Variants in TDRP observed in about 807,000 individuals in gnomAD.
TDRP encodes the protein testis development-related protein.
Under a neutral mutation model 10.5 loss-of-function variants are expected in TDRP, and 12 were observed. That is an observed-to-expected ratio of 1.15 (90% confidence interval 0.73 to 1.86). The LOEUF (loss-of-function observed/expected upper bound fraction) is 1.86, where lower values mean the gene tolerates loss of function less well. Ranked by LOEUF, TDRP falls within the 40% of genes most tolerant of loss-of-function variation. The probability of loss-of-function intolerance (pLI) is 0.00; values close to 1 mark genes in which losing one functional copy is unlikely to be tolerated. For synonymous variants in TDRP, 139 were observed against 95.4 expected (o/e 1.46, Z -2.67); for missense variants, 353 against 229.2 (o/e 1.54, Z -3.49).
intron 1 of TDRP, among the ~76,000 whole-genome samples, chr8:526,753 T>C (rs1015663131): frequency 2.0e-5 from 3 of 152,170 alleles, no homozygotes; most frequent in Admixed American, 1.3e-4. Flanking sequence ...CTATTTTTCA[T>C]ACTGAAGGGA....
chr8:514,341 A>G (rs1343855287), intron 1 of TDRP, among the ~76,000 whole-genome samples: 1 of 152,208 alleles, frequency 6.6e-6, no homozygotes. Context: ...GAGTGCCAAG[A>G]CAATTCAATG....
intron 1 of TDRP, among the ~76,000 whole-genome samples, chr8:541,735 G>A (rs2084414): frequency 0.75 from 114,024 of 152,050 alleles, 42,990 homozygotes; most frequent in Admixed American, 0.8. Context: ...GATGGACAAA[G>A]TCTACATACT....
chr8:519,476 T>C (rs1801841103), intron 1 of TDRP, among the ~76,000 whole-genome samples: 2 of 152,132 alleles, frequency 1.3e-5, no homozygotes, highest in South Asian at 4.1e-4. Flanking sequence ...CCTTCAAGTA[T>C]AGAGTTCAAT....
At chr8:519,010 A>G (rs1338479344) in intron 1 of TDRP, among the ~76,000 whole-genome samples, 2 of 152,138 alleles carry the variant, frequency 1.3e-5, no homozygotes, top group African/African-American at 4.8e-5. Flanking sequence ...AGAAATGCCA[A>G]CACCTTGATT....
At chr8:507,451 T>C (rs1801496598) in intron 1 of TDRP, among the ~76,000 whole-genome samples, 1 of 152,140 alleles carries the variant, frequency 6.6e-6, no homozygotes, top group Non-Finnish European at 1.5e-5. Flanking sequence ...TTTGACTGGA[T>C]TCATTTGTAG....
chr8:518,383 A>G (rs1486827792), intron 1 of TDRP, among the ~76,000 whole-genome samples: 1 of 152,228 alleles, frequency 6.6e-6, no homozygotes, highest in Non-Finnish European at 1.5e-5. Context: ...TAAGTCTAAT[A>G]AAAGGTAACC....
intron 1 of TDRP, among the ~76,000 whole-genome samples, chr8:529,594 T>A (rs536339406): frequency 3.9e-4 from 59 of 152,190 alleles, no homozygotes; most frequent in African/African-American, 1.4e-3. Context: ...TCTGGGAAGG[T>A]CTTTATTTGT....
intron 1 of TDRP, among the ~76,000 whole-genome samples, chr8:522,610 G>A (rs976731043): frequency 3.9e-5 from 6 of 152,118 alleles, no homozygotes; most frequent in Non-Finnish European, 7.4e-5. Context: ...GCTTTGCCCC[G>A]CACAGATCTC....
At chr8:507,881 A>G (rs998845691) in intron 1 of TDRP, among the ~76,000 whole-genome samples, 2 of 152,204 alleles carry the variant, frequency 1.3e-5, no homozygotes, top group Admixed American at 6.5e-5. Context: ...TTACCTATAT[A>G]ACAAACTTTC....
intron 1 of TDRP, among the ~76,000 whole-genome samples, chr8:506,707 T>A (rs1332153973): frequency 6.6e-6 from 1 of 152,070 alleles, no homozygotes; most frequent in African/African-American, 2.4e-5. Context: ...TTTGTCCCCA[T>A]CCCCAGCTCC....
chr8:525,396 T>C (rs1437830406), intron 1 of TDRP, among the ~76,000 whole-genome samples: 1 of 152,156 alleles, frequency 6.6e-6, no homozygotes, highest in Non-Finnish European at 1.5e-5. Context: ...TAATACTAAG[T>C]ACATAGAAAA....
intron 1 of TDRP, among the ~76,000 whole-genome samples, chr8:542,090 A>G (rs1306933336): frequency 6.6e-6 from 1 of 152,184 alleles, no homozygotes; most frequent in Non-Finnish European, 1.5e-5. Context: ...CTAAAAAGAA[A>G]CGAGCTACAA....
chr8:528,705 T>C (rs1195150537), intron 1 of TDRP, among the ~76,000 whole-genome samples: 4 of 152,218 alleles, frequency 2.6e-5, no homozygotes, highest in African/African-American at 9.6e-5. Flanking sequence ...GTGATTATTA[T>C]GTATTATATG....
At chr8:526,420 G>A (rs1375940730) in intron 1 of TDRP, among the ~76,000 whole-genome samples, 1 of 152,136 alleles carries the variant, frequency 6.6e-6, no homozygotes, top group Admixed American at 6.5e-5. Context: ...TTCTTATTAT[G>A]AAGAGATGTT....
intron 1 of TDRP, among the ~76,000 whole-genome samples, chr8:520,698 C>A (rs188191041): frequency 6.6e-6 from 1 of 152,134 alleles, no homozygotes; most frequent in African/African-American, 2.4e-5. Flanking sequence ...TGATTAGCAA[C>A]GTTGAACATC....
Position 492,740 on chromosome 8 carries a change from T to G in TDRP, c.217A>C (p.Asn73His), listed in dbSNP as rs543817924. The G allele has an allele frequency of 3.1e-6, 5 of 1,609,400 alleles. No homozygotes were observed. The Admixed American group carries it at 5.0e-5, about 16-fold the overall frequency. The change falls in exon 3 of 3, where the codon AAC (asparagine) becomes CAC (histidine). Residue 73 changes from asparagine (N) to histidine (H), a missense_variant. Asn to His is a moderately conservative substitution (Grantham distance 68). Coordinates refer to ENST00000324079, the MANE Select transcript of TDRP (RefSeq NM_001384899.1). ...RCKSPKSKGT[N>H]LRLKEELKAE... is the part of the protein sequence containing the mutation. ...TTCAACTCTTCTTTTAATCGTAAGT[T>G]AGTTCTATAGGAGATGAAAGAGTTA...
At chr8:529,706 T>C (rs1390760773) in intron 1 of TDRP, among the ~76,000 whole-genome samples, 1 of 152,202 alleles carries the variant, frequency 6.6e-6, no homozygotes. Flanking sequence ...CTCCCTTTTG[T>C]ACTGTAATGT....
At chr8:533,496 T>C (rs1364179834) in intron 1 of TDRP, among the ~76,000 whole-genome samples, 1 of 152,236 alleles carries the variant, frequency 6.6e-6, no homozygotes, top group African/African-American at 2.4e-5. Flanking sequence ...CTACATGTCC[T>C]GACAAATCTT....
intron 1 of TDRP, among the ~76,000 whole-genome samples, chr8:507,232 C>G (rs1235069266): frequency 1.3e-5 from 2 of 152,048 alleles, no homozygotes; most frequent in Non-Finnish European, 1.5e-5. Flanking sequence ...TCCCTCAACA[C>G]ATGGGGATTG....
Sources: gnomAD v4.1 joint callset for allele counts (sites outside exome capture counted in the v4.1 genomes callset) on GRCh38, gnomAD v4.1.1 for gene constraint, MANE v1.5 for transcripts, NCBI Gene and HGNC (gene_info 2026-07-23, HGNC 2026-07-21) for gene names.